The following SPG7 variants were observed in gnomAD, a reference collection of about 807,000 sequenced individuals.
SPG7 encodes SPG7 matrix AAA peptidase subunit, paraplegin.
SPG7 carries 103 observed loss-of-function variants against 81.9 expected under a neutral mutation model. That is an observed-to-expected ratio of 1.26 (90% CI 1.07 to 1.48). The LOEUF (loss-of-function observed/expected upper bound fraction) is 1.48. Ranked by LOEUF, SPG7 falls within the 40% of genes most tolerant of loss-of-function variation. SPG7 has a pLI of 0.00. For missense variants in SPG7, 1,241 were observed against 1,087.3 expected (o/e 1.14, Z -1.99); for synonymous variants, 534 against 444.2 (o/e 1.20, Z -2.54).
At chr16:89,550,231 G>A (rs1268785704) in intron 12 of SPG7, 8 of 420,026 alleles carry the variant, frequency 1.9e-5, no homozygotes, top group Middle Eastern at 7.4e-4. Context: ...GGAGTGCAGT[G>A]GCATGATCTT....
At position 89,524,080 on chromosome 16, in the gene SPG7, G is replaced by T. The variant is rs759578896; in HGVS notation, c.451G>T (p.Val151Phe). 2 of 1,613,914 alleles carry T rather than the reference G, an allele frequency of 1.2e-6. No individual in the cohort carries two copies. Among genetic ancestry groups the T allele is most frequent in the Non-Finnish European group, 1.7e-6 (2 of 1,180,050 alleles). Residue 151 changes from valine (V) to phenylalanine (F), a missense_variant, in exon 4 of 17, where the codon GTC (valine) becomes TTC (phenylalanine). Coordinates refer to ENST00000645818, the MANE Select transcript of SPG7 (RefSeq NM_003119.4). ...RLRTLLVIAV[V>F]MSLLNALSTS... Reference sequence around the variant, plus strand: ...GCGCACCTTGCTGGTCATCGCGGTTGTCATGAGCCTCCTGAATGCTCTCAG... The same window carrying T: ...GCGCACCTTGCTGGTCATCGCGGTTTTCATGAGCCTCCTGAATGCTCTCAG...
In SPG7 at chr16:89,556,469, A is replaced by G. The variant is rs7195178; in HGVS notation, c.2182-418A>G. On this transcript the variant is annotated intron_variant, in intron 16 of 16. Transcript: ENST00000645818. ...AGTGTTTTCCAGGATCCCACCTAGAATGGCAGAAATTCACTTCCCCAACTT... is the reference window on the plus strand; with the variant it reads ...AGTGTTTTCCAGGATCCCACCTAGAGTGGCAGAAATTCACTTCCCCAACTT... 5.6e-3 allele frequency: 1,753 copies of G among 315,564 alleles called. 35 individuals are homozygous for G. The highest frequency in any genetic ancestry group is 0.036 in the African/African-American group (1,657 of 46,346). The allele number at this position is 315,564 out of a possible 1,614,324, so 19.5% of individuals were successfully genotyped here. A position where few individuals can be genotyped will look rare whatever the true frequency, so the allele number is the denominator to read the frequency against.
chr16:89,556,926 G>A lies in SPG7; in HGVS notation c.2221G>A (p.Glu741Lys), dbSNP rs1381888395. The A allele has an allele frequency of 4.3e-6, 7 of 1,613,976 alleles. No individual in the cohort carries two copies. The highest frequency in any genetic ancestry group is 5.9e-6 in the Non-Finnish European group (7 of 1,180,012). The change falls in exon 17 of 17, where the codon GAG becomes AAG. Residue 741 changes from glutamate (E) to lysine (K), a missense_variant. Coordinates refer to ENST00000645818, the MANE Select transcript of SPG7 (RefSeq NM_003119.4). ...ALLEKEVINYEDIEALIGPPP... is the reference protein window; with the variant it reads ...ALLEKEVINYKDIEALIGPPP... ...TCTGGAAAAGGAAGTGATAAACTAT[G>A]AGGACATTGAGGCTCTCATTGGCCC...
chr16:89,522,176 C>T (rs1433183001), intron 3 of SPG7: 1 of 152,206 alleles, frequency 6.6e-6, no homozygotes, highest in African/African-American at 2.4e-5. Flanking sequence ...TCGATTGTAA[C>T]AAAACAGTGA....
At chr16:89,548,281 C>A in intron 12 of SPG7, 168 bp downstream of exon 12, 2 of 600,124 alleles carry the variant, frequency 3.3e-6, no homozygotes, top group East Asian at 5.7e-5. Context: ...TTGTACTTTT[C>A]CTTAGTTTAA....
At chr16:89,540,181 T>G (rs1357135555) in intron 9 of SPG7, 3 of 152,240 alleles carry the variant, frequency 2.0e-5, no homozygotes, top group African/African-American at 2.4e-5. Context: ...CAGAATTGTT[T>G]CAGCTATTCC....
At chr16:89,542,603 T>C (rs2058509253) in intron 9 of SPG7, among the ~76,000 whole-genome samples, 1 of 152,206 alleles carries the variant, frequency 6.6e-6, no homozygotes, top group Admixed American at 6.5e-5. Flanking sequence ...AGCGATTTGC[T>C]TGGGAGTGGG....
chr16:89,552,735 C>A, intron 13 of SPG7: 1 of 538,432 alleles, frequency 1.9e-6, no homozygotes, highest in Non-Finnish European at 3.4e-6. Context: ...GACTCCCTGC[C>A]TGTCTAGTCA....
intron 10 of SPG7, chr16:89,545,059 G>C (rs2152409275): frequency 2.1e-6 from 1 of 476,280 alleles, no homozygotes; most frequent in African/African-American, 2.0e-5. Context: ...ACCTGCTATT[G>C]GTTTTCCTTT....
chr16:89,544,758 C>T lies in SPG7; in HGVS notation c.1435C>T (p.Leu479Phe), dbSNP rs1064797213. Reference protein sequence around the residue: ...GRLDRHVFIDLPTLQERREIF... With the variant: ...GRLDRHVFIDFPTLQERREIF... ...ACTGGACCGGCACGTCTTCATTGAT[C>T]TCCCCACGCTGCAGGTCAGAGCCAG... The change falls in exon 10 of 17, where the codon CTC (leucine) becomes TTC (phenylalanine). Residue 479 changes from leucine (L) to phenylalanine (F), a missense_variant. Physicochemically the swap from Leu to Phe is conservative, Grantham distance 22 (BLOSUM62 0). Coordinates refer to ENST00000645818, the MANE Select transcript of SPG7 (RefSeq NM_003119.4). The T allele has an allele frequency of 1.2e-6, 2 of 1,614,082 alleles. No individual in the cohort carries two copies. Among genetic ancestry groups the T allele is most frequent in the East Asian group, 4.5e-5 (2 of 44,882 alleles).
At chr16:89,529,226 A>G (rs2058308425) in intron 5 of SPG7, 1 of 565,810 alleles carries the variant, frequency 1.8e-6, no homozygotes, top group Non-Finnish European at 3.2e-6. Flanking sequence ...TTATTGTCAC[A>G]AGGCTGGCTA....
chr16:89,552,228 T>G (rs187371625), intron 13 of SPG7: 1 of 152,656 alleles, frequency 6.6e-6, no homozygotes, highest in African/African-American at 2.4e-5. Flanking sequence ...GCTCGAGTGA[T>G]TTTTATATTT....
At chr16:89,520,409 T>C in intron 3 of SPG7, 1 of 188,998 alleles carries the variant, frequency 5.3e-6, no homozygotes, top group Non-Finnish European at 1.1e-5. Flanking sequence ...TGTTTGTTTG[T>C]TTTGAGATGG....
chr16:89,528,941 A>G lies in SPG7; in HGVS notation c.759-536A>G, dbSNP rs371346237. On this transcript the variant is annotated intron_variant, in intron 5 of 16. Transcript: ENST00000645818. ...TTTCTCCTGCCTCAGCCTCCCAAGT[A>G]GCTGGGATTGCAGACGCATGCCACC... The G allele has an allele frequency of 7.5e-5, 14 of 186,314 alleles. No individual in the cohort carries two copies. The South Asian group carries it at 1.3e-3, about 17-fold the overall frequency. The allele number at this position is 186,314 out of a possible 1,614,324, so 11.5% of individuals were successfully genotyped here. A position where few individuals can be genotyped will look rare whatever the true frequency, so the allele number is the denominator to read the frequency against.
intron 7 of SPG7, chr16:89,531,202 GT>G (rs1241031765): frequency 2.8e-6 from 1 of 355,124 alleles, no homozygotes; most frequent in African/African-American, 2.1e-5. Context: ...CGCACCTGTA[GT>G]CCTGGCACCT....
At chr16:89,521,236 G>A (rs1350548915) in intron 3 of SPG7, 2 of 152,270 alleles carry the variant, frequency 1.3e-5, no homozygotes, top group Non-Finnish European at 1.5e-5. Flanking sequence ...AGCAGAAGGT[G>A]TCATGATGGG....
At chr16:89,545,545 G>A (rs183402664) in intron 10 of SPG7, 10 of 208,244 alleles carry the variant, frequency 4.8e-5, no homozygotes, top group Admixed American at 1.7e-4. Flanking sequence ...TTCTCCAGGG[G>A]ACATGGCTTC....
chr16:89,549,182 T>C, intron 12 of SPG7: 5 of 456,696 alleles, frequency 1.1e-5, no homozygotes, highest in Non-Finnish European at 2.2e-5. Flanking sequence ...TTGATAATAG[T>C]AGCAAAGCAG....
In SPG7 at chr16:89,544,894, G is replaced by A. The variant is rs531448350; in HGVS notation, c.1449+122G>A. ...AGCCTGTCACAGCCCCACAGGTGCTGGCAGTGTCCAGCGTGGCCCCCGCAT... is the reference window on the plus strand; with the variant it reads ...AGCCTGTCACAGCCCCACAGGTGCTAGCAGTGTCCAGCGTGGCCCCCGCAT... On this transcript the variant is annotated intron_variant, in intron 10 of 16. Coordinates refer to ENST00000645818, the MANE Select transcript of SPG7 (RefSeq NM_003119.4). 1.5e-5 allele frequency: 19 copies of A among 1,283,846 alleles called. No homozygotes were observed. The African/African-American group carries it at 2.5e-4, about 17-fold the overall frequency. 79.5% of individuals were successfully genotyped at this position (1,283,846 alleles called of 1,614,324 possible). A position where few individuals can be genotyped will look rare whatever the true frequency, so the allele number is the denominator to read the frequency against.
Sources: gnomAD v4.1 joint callset for allele counts (sites outside exome capture counted in the v4.1 genomes callset) on GRCh38, gnomAD v4.1.1 for gene constraint, MANE v1.5 for transcripts, NCBI Gene and HGNC (gene_info 2026-07-23, HGNC 2026-07-21) for gene names.